Variants in SCARA5 observed in about 807,000 individuals in gnomAD.
The protein encoded by SCARA5 is scavenger receptor class A member 5.
A neutral mutation model predicts 46.3 loss-of-function variants in SCARA5; 45 were observed. The ratio of observed to expected loss-of-function variants is 0.97; its 90% CI spans 0.76 to 1.24. The LOEUF is 1.24. Ranked by LOEUF, SCARA5 falls within the 50% of genes most tolerant of loss-of-function variation. SCARA5 has a pLI of 0.00. For synonymous variants in SCARA5, 333 were observed against 306.5 expected (o/e 1.09, Z -0.90); for missense variants, 680 against 689.0 (o/e 0.99, Z 0.15).
chr8:27,933,521 T>TAAAAAAA (rs10660825), intron 3 of SCARA5, among the ~76,000 whole-genome samples: 1 of 130,954 alleles, frequency 7.6e-6, no homozygotes, highest in African/African-American at 2.9e-5. Flanking sequence ...GACTCCATCT[T>TAAAAAAA]AAAAAAAAAA....
At chr8:27,872,600 T>G (rs1029191420) in intron 8 of SCARA5, among the ~76,000 whole-genome samples, 20 of 152,328 alleles carry the variant, frequency 1.3e-4, no homozygotes, top group Non-Finnish European at 2.9e-4. Flanking sequence ...CCTTGGATGT[T>G]GTTTCTTCTC....
At chr8:27,979,802 C>T (rs187001676) in intron 2 of SCARA5, among the ~76,000 whole-genome samples, 37 of 152,234 alleles carry the variant, frequency 2.4e-4, no homozygotes, top group African/African-American at 8.4e-4. Context: ...TTCAGGCAAT[C>T]CACCCGCCTC....
intron 1 of SCARA5, among the ~76,000 whole-genome samples, chr8:27,987,926 T>C (rs1808728970): frequency 6.6e-6 from 1 of 152,108 alleles, no homozygotes; most frequent in Non-Finnish European, 1.5e-5. Flanking sequence ...GGGGCTGGAA[T>C]CCTGAGCTGG....
At chr8:27,886,017 T>G (rs772761376) in intron 7 of SCARA5, 1 of 154,796 alleles carries the variant, frequency 6.5e-6, no homozygotes, top group Non-Finnish European at 1.5e-5. Context: ...TTACCATGCA[T>G]TGAGCAAAGT....
intron 3 of SCARA5, among the ~76,000 whole-genome samples, chr8:27,924,353 A>T (rs1723129076): frequency 6.6e-6 from 1 of 152,228 alleles, no homozygotes; most frequent in East Asian, 1.9e-4. Context: ...AAGGAGGGAT[A>T]TAGGTTGTGA....
intron 3 of SCARA5, among the ~76,000 whole-genome samples, chr8:27,948,735 A>G (rs1204516929): frequency 3.9e-5 from 6 of 152,208 alleles, no homozygotes; most frequent in Non-Finnish European, 5.9e-5. Flanking sequence ...AAAGGGGAGG[A>G]AAAAACGATT....
intron 1 of SCARA5, among the ~76,000 whole-genome samples, chr8:27,988,325 C>T (rs1249265908): frequency 6.6e-6 from 1 of 152,150 alleles, no homozygotes; most frequent in Non-Finnish European, 1.5e-5. Context: ...GTCTGCATGG[C>T]CCCCAGAGGC....
At chr8:27,937,902 T>C (rs1318584635) in intron 3 of SCARA5, among the ~76,000 whole-genome samples, 2 of 152,214 alleles carry the variant, frequency 1.3e-5, no homozygotes, top group African/African-American at 4.8e-5. Flanking sequence ...TTTCACTTAG[T>C]CACCTCTTTA....
chr8:27,943,713 C>T (rs750240522), intron 3 of SCARA5, among the ~76,000 whole-genome samples: 2 of 152,152 alleles, frequency 1.3e-5, no homozygotes, highest in Non-Finnish European at 2.9e-5. Context: ...TACATTGCAG[C>T]GGTCAGAGAG....
chr8:27,978,018 TC>T (rs1219021115), intron 2 of SCARA5, among the ~76,000 whole-genome samples: 1 of 146,880 alleles, frequency 6.8e-6, no homozygotes, highest in African/African-American at 2.6e-5. Context: ...GTTTCTTGTG[TC>T]TTTTGTTTTT....
At chr8:27,925,438 T>C (rs1444379216) in intron 3 of SCARA5, among the ~76,000 whole-genome samples, 1 of 152,178 alleles carries the variant, frequency 6.6e-6, no homozygotes, top group Non-Finnish European at 1.5e-5. Flanking sequence ...TAGCCATATG[T>C]AGAAGGCTGA....
Position 27,989,129 on chromosome 8 carries a change from CTTTTTTT to C in SCARA5, c.-15-1506_-15-1500del, listed in dbSNP as rs34929623. ...TTTTTTTTTTTCTGTTTCTTTCTTT[CTTTTTTT>C]TTTTTTTTTTTTTTTTTGAGACAGG... On this transcript the variant is annotated intron_variant, in intron 1 of 8. Transcript: ENST00000354914. Among the ~76,000 whole-genome samples the C allele has an allele frequency of 2.0e-4, 14 of 68,316 alleles. No individual in the cohort carries two copies. In the South Asian group the frequency reaches 8.6e-3, roughly 42 times the overall value. The allele number at this position is 68,316 out of a possible 152,430, so 44.8% of individuals were successfully genotyped here. A position where few individuals can be genotyped will look rare whatever the true frequency, so the allele number is the denominator to read the frequency against.
chr8:27,919,504 C>G (rs1194459310), intron 4 of SCARA5, among the ~76,000 whole-genome samples: 1 of 152,098 alleles, frequency 6.6e-6, no homozygotes. Context: ...CCTTGTCAAC[C>G]TGGGTCCACC....
rs1008506987 is a variant in SCARA5 at position 27,966,414 on chromosome 8, C to T, written c.241G>A (p.Val81Met). ...LILVGIFILA[V>M]SRPRSSPDDL... ...CAGGACAAAAATGGCCTGCTCTTAC[C>T]TGCTAAGATGAAGATGCCCACAAGA... The change falls in exon 3 of 9, where the codon GTG becomes ATG. Residue 81 changes from valine to methionine, a missense_variant and splice_region_variant. By Grantham distance (21) the Val-to-Met change is conservative. Around this residue, in one of 3 missense-constraint regions of SCARA5, gnomAD observed 438 missense variants for 384.5 expected, o/e 1.14. Coordinates refer to ENST00000354914, the MANE Select transcript of SCARA5 (RefSeq NM_173833.6). 1 of 1,607,284 alleles carries T rather than the reference C, an allele frequency of 6.2e-7. No individual in the cohort carries two copies. The highest frequency in any genetic ancestry group is 8.5e-7 in the Non-Finnish European group (1 of 1,178,060).
chr8:27,986,817 T>G (rs532765355), intron 2 of SCARA5, among the ~76,000 whole-genome samples: 1 of 152,308 alleles, frequency 6.6e-6, no homozygotes, highest in East Asian at 1.9e-4. Context: ...TAAGCTTCAT[T>G]CTATTTCTCT....
At chr8:27,988,393 T>C (rs967703452) in intron 1 of SCARA5, among the ~76,000 whole-genome samples, 1 of 152,198 alleles carries the variant, frequency 6.6e-6, no homozygotes, top group African/African-American at 2.4e-5. Context: ...TACATTGACT[T>C]AGGAGAATCC....
intron 2 of SCARA5, among the ~76,000 whole-genome samples, chr8:27,972,145 C>T (rs535833260): frequency 6.6e-5 from 10 of 151,758 alleles, no homozygotes; most frequent in Non-Finnish European, 1.2e-4. Flanking sequence ...GGTGAAACCC[C>T]GTCTCTGCTA....
intron 3 of SCARA5, among the ~76,000 whole-genome samples, chr8:27,958,487 C>T (rs1398359507): frequency 6.6e-6 from 1 of 152,184 alleles, no homozygotes; most frequent in Admixed American, 6.5e-5. Context: ...TCCCAGGATA[C>T]AAGGGGTGAA....
chr8:27,970,145 C>T (rs927818752), intron 2 of SCARA5, among the ~76,000 whole-genome samples: 7 of 152,078 alleles, frequency 4.6e-5, no homozygotes, highest in Admixed American at 4.6e-4. Flanking sequence ...GCTGCCATGT[C>T]ATGAGCGCCC....
Sources: allele counts gnomAD v4.1 joint callset (sites outside exome capture counted in the v4.1 genomes callset), GRCh38; gene constraint gnomAD v4.1.1; regional missense constraint gnomAD v4.1.1; transcripts MANE v1.5; gene names NCBI Gene and HGNC (gene_info 2026-07-23, HGNC 2026-07-21).